The following KIF14 variants were observed in gnomAD, a reference collection of about 807,000 sequenced individuals.
The protein encoded by KIF14 is kinesin family member 14.
Under a neutral mutation model 176.2 loss-of-function variants are expected in KIF14, and 98 were observed. That is an observed-to-expected ratio of 0.56 (90% CI 0.47 to 0.66). KIF14 has a LOEUF of 0.66. Among genes scored for constraint, KIF14 ranks in the 30% least tolerant of loss-of-function variants. KIF14 has a pLI of 0.00. For missense variants in KIF14, 1,751 were observed against 1,920.4 expected (o/e 0.91, Z 1.65); for synonymous variants, 566 against 632.2 (o/e 0.90, Z 1.57).
rs533785037 is a variant in KIF14, at chr1:200,615,058, T to A, written c.1367+297A>T. On this transcript the variant is annotated intron_variant, in intron 3 of 29. Transcript: ENST00000367350. ...AGCTTAGATGCCTTACTTTTAATTCTCACCAAAATACTTAAAAGATAACCT... is the reference window on the plus strand; with the variant it reads ...AGCTTAGATGCCTTACTTTTAATTCACACCAAAATACTTAAAAGATAACCT... 3.3e-5 allele frequency among the ~76,000 whole-genome samples: 5 copies of A among 152,308 alleles called. No individual in the cohort carries two copies. The South Asian group carries it at 1.0e-3, about 32-fold the overall frequency.
At chr1:200,617,528 A>T in intron 2 of KIF14, 84 bp downstream of exon 2, 1 of 1,345,816 alleles carries the variant, frequency 7.4e-7, no homozygotes, top group South Asian at 1.5e-5. Context: ...ATGCACGAAT[A>T]CACTGACCTT....
chr1:200,601,221 A>T (rs1441892267), intron 11 of KIF14, among the ~76,000 whole-genome samples: 6 of 152,168 alleles, frequency 3.9e-5, no homozygotes, highest in African/African-American at 7.2e-5. Flanking sequence ...CCCACTTGTG[A>T]AACAGAAGGG....
At chr1:200,567,350 G>A (rs1209042844) in intron 23 of KIF14, among the ~76,000 whole-genome samples, 1 of 151,682 alleles carries the variant, frequency 6.6e-6, no homozygotes, top group Non-Finnish European at 1.5e-5. Flanking sequence ...GACCATCCTG[G>A]CTAACACAGT....
At chr1:200,614,973 G>A (rs1660341395) in intron 3 of KIF14, among the ~76,000 whole-genome samples, 1 of 152,102 alleles carries the variant, frequency 6.6e-6, no homozygotes, top group Admixed American at 6.6e-5. Context: ...CTGCACTTAA[G>A]CAATCCTCCT....
At chr1:200,554,833 T>C (rs1467941596) in intron 28 of KIF14, among the ~76,000 whole-genome samples, 1 of 152,182 alleles carries the variant, frequency 6.6e-6, no homozygotes, top group Non-Finnish European at 1.5e-5. Flanking sequence ...TGTCATCCTA[T>C]TACATGAGAA....
Position 200,580,323 on chromosome 1 carries a change from T to C in KIF14, c.3396A>G (p.Leu1132=), listed in dbSNP as rs115265657. Residue 1132 remains leucine, a synonymous_variant, in exon 21 of 30, where the codon CTA becomes CTG. Transcript: ENST00000367350. The part of the protein sequence containing the change: ...DTSIRVRNLK[L]GISTFWSLEK... The stretch of plus-strand genomic sequence containing the variant: ...CCAGACTCCAGAATGTTGAGATTCC[T>C]AGTTTCAGGTTACGAACCCGAATAG... 0.03 allele frequency: 45,385 copies of C among 1,528,696 alleles called. 782 individuals carry two copies. The highest frequency in any genetic ancestry group is 0.056 in the Middle Eastern group (323 of 5,742). The allele number at this position is 1,528,696 out of a possible 1,614,324, so 94.7% of individuals were successfully genotyped here. A position where few individuals can be genotyped will look rare whatever the true frequency, so the allele number is the denominator to read the frequency against.
In KIF14 at chr1:200,600,495, C is replaced by T. The variant is rs1231578189; in HGVS notation, c.2161G>A (p.Ala721Thr). The T allele has an allele frequency of 6.2e-7, 1 of 1,610,916 alleles. No homozygotes were observed. Among genetic ancestry groups the T allele is most frequent in the Non-Finnish European group, 8.5e-7 (1 of 1,177,342 alleles). The change falls in exon 12 of 30, where the codon GCA becomes ACA. Residue 721 changes from alanine to threonine, a missense_variant. Physicochemically the swap from Ala to Thr is moderately conservative, Grantham distance 58. Coordinates refer to ENST00000367350, the MANE Select transcript of KIF14 (RefSeq NM_014875.3). Reference protein sequence around the residue: ...MNAKLIRELKAEIAKLKAAQR... With the variant: ...MNAKLIRELKTEIAKLKAAQR... ...GCAGCTTTTAGCTTTGCAATTTCTG[C>T]CTTCAATTCTGAAGATTTATACAAA...
chr1:200,572,044 G>C (rs1043155424), intron 22 of KIF14, among the ~76,000 whole-genome samples: 1 of 152,192 alleles, frequency 6.6e-6, no homozygotes, highest in East Asian at 1.9e-4. Context: ...GAATCTGTCA[G>C]TGTTTCCATT....
chr1:200,601,745 C>T, intron 11 of KIF14, 151 bp downstream of exon 11: 1 of 569,586 alleles, frequency 1.8e-6, no homozygotes, highest in Non-Finnish European at 3.1e-6. Flanking sequence ...TACCTATCAT[C>T]CTCCATCACT....
intron 16 of KIF14, among the ~76,000 whole-genome samples, chr1:200,590,624 A>G (rs929376003): frequency 6.6e-6 from 1 of 152,248 alleles, no homozygotes; most frequent in Non-Finnish European, 1.5e-5. Context: ...AGTGGATATC[A>G]CAGCTAGGGA....
intron 4 of KIF14, among the ~76,000 whole-genome samples, chr1:200,611,697 C>T (rs937660473): frequency 3.9e-5 from 6 of 152,200 alleles, no homozygotes; most frequent in African/African-American, 1.4e-4. Context: ...ATCATGCTCG[C>T]TATACCACCT....
chr1:200,593,815 A>C (rs76693706), intron 14 of KIF14, 46 bp from the exon 15 acceptor site: 33,203 of 1,113,860 alleles, frequency 0.03, 575 homozygotes, highest in Middle Eastern at 0.06. Context: ...GAACACACTA[A>C]AAAGTAAGAA....
chr1:200,610,752 T>C (rs572573985), intron 4 of KIF14, among the ~76,000 whole-genome samples: 1 of 151,964 alleles, frequency 6.6e-6, no homozygotes, highest in Admixed American at 6.6e-5. Flanking sequence ...CAATAGAAAA[T>C]TAATTAAGAA....
chr1:200,579,977 A>G (rs889843298), intron 21 of KIF14, among the ~76,000 whole-genome samples: 4 of 152,116 alleles, frequency 2.6e-5, no homozygotes, highest in African/African-American at 9.6e-5. Flanking sequence ...AAAAATATAC[A>G]ATTATGACAA....
intron 22 of KIF14, among the ~76,000 whole-genome samples, chr1:200,573,028 T>A (rs1427236965): frequency 6.6e-6 from 1 of 152,190 alleles, no homozygotes; most frequent in Non-Finnish European, 1.5e-5. Flanking sequence ...ATATTAAGCA[T>A]CCAGTAATAA....
intron 23 of KIF14, among the ~76,000 whole-genome samples, chr1:200,568,607 A>C (rs1379458165): frequency 6.6e-6 from 1 of 152,102 alleles, no homozygotes; most frequent in Non-Finnish European, 1.5e-5. Context: ...TATATGTGTA[A>C]ATCTGTAAAC....
At chr1:200,584,301 C>T (rs1163148935) in intron 19 of KIF14, among the ~76,000 whole-genome samples, 1 of 151,748 alleles carries the variant, frequency 6.6e-6, no homozygotes, top group Non-Finnish European at 1.5e-5. Context: ...AATGCTAACC[C>T]TTTTCAAACT....
At chr1:200,579,256 G>A (rs1041432864) in intron 21 of KIF14, among the ~76,000 whole-genome samples, 2 of 152,034 alleles carry the variant, frequency 1.3e-5, no homozygotes, top group African/African-American at 4.8e-5. Flanking sequence ...ACTGCTTGAG[G>A]CCAGGAGTTC....
intron 21 of KIF14, among the ~76,000 whole-genome samples, chr1:200,576,218 C>T (rs1185106963): frequency 6.6e-6 from 1 of 152,132 alleles, no homozygotes; most frequent in Non-Finnish European, 1.5e-5. Flanking sequence ...GTGGCTCACG[C>T]CTGTAATCCC....
Sources: allele counts gnomAD v4.1 joint callset (sites outside exome capture counted in the v4.1 genomes callset), GRCh38; gene constraint gnomAD v4.1.1; transcripts MANE v1.5; gene names NCBI Gene and HGNC (gene_info 2026-07-23, HGNC 2026-07-21).